The following LRP1B variants were observed in gnomAD, a reference collection of about 807,000 sequenced individuals.
LRP1B encodes the protein LDL receptor related protein 1B.
Under a neutral mutation model 556.6 loss-of-function variants are expected in LRP1B, and 217 were observed. The observed-to-expected ratio is 0.39, with a 90% CI of 0.35 to 0.44. The LOEUF is 0.44. Ranked by LOEUF, LRP1B falls within the 20% of genes least tolerant of loss-of-function variation. LRP1B has a pLI of 1.00. For missense variants in LRP1B, 5,053 were observed against 5,620.8 expected (o/e 0.90, Z 3.23); for synonymous variants, 2,047 against 1,865.8 (o/e 1.10, Z -2.50).
At chr2:140,707,369 C>A (rs1686876910) in intron 37 of LRP1B, among the ~76,000 whole-genome samples, 1 of 151,974 alleles carries the variant, frequency 6.6e-6, no homozygotes, top group Non-Finnish European at 1.5e-5. Context: ...GCGTGGGAGT[C>A]AACAGTGAGT....
intron 2 of LRP1B, among the ~76,000 whole-genome samples, chr2:141,627,725 G>T (rs1393356124): frequency 6.6e-6 from 1 of 152,182 alleles, no homozygotes; most frequent in African/African-American, 2.4e-5. Flanking sequence ...GTGCCAAAAA[G>T]GTTAGGGACT....
At chr2:140,969,651 A>C (rs1466618848) in intron 18 of LRP1B, among the ~76,000 whole-genome samples, 6 of 152,118 alleles carry the variant, frequency 3.9e-5, no homozygotes, top group Non-Finnish European at 2.9e-5. Context: ...TGTTTTTTGC[A>C]GTGTCTGGTA....
intron 18 of LRP1B, among the ~76,000 whole-genome samples, chr2:140,972,402 A>G (rs1177556941): frequency 6.6e-6 from 1 of 152,236 alleles, no homozygotes; most frequent in Non-Finnish European, 1.5e-5. Flanking sequence ...AAGGGAAAGT[A>G]GAGAGCAAAT....
Position 141,180,136 on chromosome 2 carries a change from T to G in LRP1B, c.1013+8285A>C, listed in dbSNP as rs137940156. On this transcript the variant is annotated intron_variant, in intron 7 of 90. Coordinates refer to ENST00000389484, the MANE Select transcript of LRP1B (RefSeq NM_018557.3). ...ATAAATCACTGCTTAGCATTTTGTT[T>G]GTTGTTTGGAATGTTCTGGGTTCTT... is the stretch of plus-strand genomic sequence containing the variant. Among the ~76,000 whole-genome samples, 65 of 152,026 alleles carry G rather than the reference T, an allele frequency of 4.3e-4. No individual in the cohort carries two copies. In the Middle Eastern group the frequency reaches 0.014, roughly 32 times the overall value.
intron 1 of LRP1B, among the ~76,000 whole-genome samples, chr2:141,820,942 G>T (rs1387505692): frequency 6.6e-6 from 1 of 152,206 alleles, no homozygotes. Flanking sequence ...TTAAGTGAAG[G>T]ATCCTGAGGT....
chr2:141,325,309 A>G (rs1687392991), intron 3 of LRP1B, among the ~76,000 whole-genome samples: 2 of 152,062 alleles, frequency 1.3e-5, no homozygotes, highest in Non-Finnish European at 1.5e-5. Context: ...CTTGCACTCT[A>G]TGATAATCAA....
intron 11 of LRP1B, among the ~76,000 whole-genome samples, chr2:141,038,024 C>A (rs1260228080): frequency 6.6e-6 from 1 of 151,914 alleles, no homozygotes; most frequent in Non-Finnish European, 1.5e-5. Flanking sequence ...ATCTCCTTAC[C>A]TCTCTTTACC....
At chr2:141,423,820 T>C (rs1206895122) in intron 3 of LRP1B, among the ~76,000 whole-genome samples, 1 of 94,274 alleles carries the variant, frequency 1.1e-5, no homozygotes, top group African/African-American at 3.0e-5. Context: ...TTTTTCCCTG[T>C]CTATTAAAAA....
At chr2:140,258,998 C>T (rs1410835975) in intron 86 of LRP1B, among the ~76,000 whole-genome samples, 1 of 152,120 alleles carries the variant, frequency 6.6e-6, no homozygotes, top group Non-Finnish European at 1.5e-5. Context: ...TGTGACACTT[C>T]ATATTTCAAA....
chr2:141,192,707 C>G (rs1277752835), intron 6 of LRP1B, among the ~76,000 whole-genome samples: 1 of 151,534 alleles, frequency 6.6e-6, no homozygotes, highest in Non-Finnish European at 1.5e-5. Context: ...GAGAAATTTT[C>G]TGCTCTATAT....
At chr2:141,588,142 T>G (rs1687204871) in intron 2 of LRP1B, among the ~76,000 whole-genome samples, 1 of 152,240 alleles carries the variant, frequency 6.6e-6, no homozygotes, top group Admixed American at 6.5e-5. Context: ...TAAGTTATCT[T>G]GAGATATATA....
intron 2 of LRP1B, among the ~76,000 whole-genome samples, chr2:141,657,396 A>G (rs1320013771): frequency 6.6e-6 from 1 of 152,132 alleles, no homozygotes; most frequent in Non-Finnish European, 1.5e-5. Flanking sequence ...TTGGCTATAA[A>G]TGTAGTTTAA....
intron 2 of LRP1B, among the ~76,000 whole-genome samples, chr2:141,483,179 T>A (rs1682988728): frequency 6.8e-6 from 1 of 146,190 alleles, no homozygotes; most frequent in Admixed American, 7.0e-5. Flanking sequence ...GTTCTCATTG[T>A]TCAATTCCCA....
chr2:140,486,870 C>CT (rs1336105304), intron 58 of LRP1B, among the ~76,000 whole-genome samples: 1 of 151,794 alleles, frequency 6.6e-6, no homozygotes, highest in Admixed American at 6.6e-5. Context: ...TACATGCACA[C>CT]TTTAAGATCT....
rs749250253 is a variant in LRP1B at position 141,058,888 on chromosome 2, G to C, written c.1403C>G (p.Pro468Arg). The change falls in exon 9 of 91, where the codon CCA becomes CGA. Residue 468 changes from proline to arginine, a missense_variant. This residue lies in a region of LRP1B where 3,619 missense variants were observed against 3,931.9 expected (regional missense o/e 0.92). Transcript: ENST00000389484. ...AAAGAAGCTTTCCCACTTACCTGTT[G>C]GTTGAGTTCTTTTTTGATAAATTCG... ...GIRIYQKRTQ[P>R]TVRSHACEVD... 1 of 1,585,756 alleles carries C rather than the reference G, an allele frequency of 6.3e-7. No individual in the cohort carries two copies. The highest frequency in any genetic ancestry group is 8.6e-7 in the Non-Finnish European group (1 of 1,167,972).
At chr2:140,482,411 T>G (rs1688283118) in intron 59 of LRP1B, among the ~76,000 whole-genome samples, 1 of 152,146 alleles carries the variant, frequency 6.6e-6, no homozygotes, top group Admixed American at 6.5e-5. Flanking sequence ...TTTAACATAT[T>G]TACATTCTCT....
At chr2:141,055,338 T>C (rs1699150090) in intron 9 of LRP1B, 79 bp from the exon 10 acceptor site, 1 of 1,484,256 alleles carries the variant, frequency 6.7e-7, no homozygotes, top group Non-Finnish European at 9.1e-7. Context: ...TGTCAAAATT[T>C]CTATAGTGTA....
At position 140,485,526 on chromosome 2, in the gene LRP1B, T is replaced by A. The variant is rs749731508; in HGVS notation, c.9244-2A>T. ...GGGGACCGCTGTGTTATGAACTACC[T>A]ACAAAACAAGAATTTAAAAGGTTAA... On this transcript the variant is annotated splice_acceptor_variant, in intron 58 of 90. Transcript: ENST00000389484. LOFTEE classifies it high-confidence loss of function. The A allele has an allele frequency of 6.2e-7, 1 of 1,606,678 alleles. No individual in the cohort carries two copies. Among genetic ancestry groups the A allele is most frequent in the Non-Finnish European group, 8.5e-7 (1 of 1,177,236 alleles).
At chr2:141,599,066 C>CCCG (rs1687638491) in intron 2 of LRP1B, among the ~76,000 whole-genome samples, 1 of 78,708 alleles carries the variant, frequency 1.3e-5, no homozygotes, top group African/African-American at 5.1e-5. Flanking sequence ...CCCCCCCCCC[C>CCCG]CCCCCCCCGC....
Sources: allele counts gnomAD v4.1 joint callset (sites outside exome capture counted in the v4.1 genomes callset), GRCh38; gene constraint gnomAD v4.1.1; regional missense constraint gnomAD v4.1.1; transcripts MANE v1.5; gene names NCBI Gene and HGNC (gene_info 2026-07-23, HGNC 2026-07-21).